SMPD3: variants seen among roughly 807,000 people sequenced by gnomAD.
The protein encoded by SMPD3 is sphingomyelin phosphodiesterase 3.
In SMPD3, 21 loss-of-function variants were observed where a neutral mutation model predicts 55.7. The ratio of observed to expected loss-of-function variants is 0.38; its 90% CI spans 0.27 to 0.54. SMPD3 has a LOEUF of 0.54. Among genes scored for constraint, SMPD3 ranks in the 20% least tolerant of loss-of-function variants. The pLI, the probability that SMPD3 is intolerant of heterozygous loss-of-function variation, is 0.80. For synonymous variants in SMPD3, 457 were observed against 404.3 expected, an observed-to-expected ratio of 1.13 and a Z score of -1.56; for missense variants, 842 against 899.6, an observed-to-expected ratio of 0.94 and a Z score of 0.82.
At chr16:68,386,845 C>T (rs1396408419) in intron 1 of SMPD3, among the ~76,000 whole-genome samples, 186 bp from the exon 2 acceptor site, 4 of 152,144 alleles carry the variant, frequency 2.6e-5, no homozygotes, top group East Asian at 1.9e-4. Context: ...TTCCAGTGGA[C>T]GAAGTGCAGT....
intron 2 of SMPD3, among the ~76,000 whole-genome samples, chr16:68,377,778 A>G (rs374067226): frequency 6.6e-6 from 1 of 152,164 alleles, no homozygotes; most frequent in South Asian, 2.1e-4. Context: ...GTAATGGCAC[A>G]CTGGCTCTGC....
chr16:68,380,569 G>A (rs1332839473), intron 2 of SMPD3, among the ~76,000 whole-genome samples: 1 of 143,210 alleles, frequency 7.0e-6, no homozygotes, highest in African/African-American at 3.0e-5. Flanking sequence ...GCTGACCAGC[G>A]CCACCTGCAT....
rs1225524194 is a variant in SMPD3 at position 68,371,925 on chromosome 16, G to T, written c.257C>A (p.Ser86Tyr). 2 of 1,611,606 alleles carry T rather than the reference G, an allele frequency of 1.2e-6. No homozygotes were observed. Among genetic ancestry groups the T allele is most frequent in the East Asian group, 4.5e-5 (2 of 44,798 alleles). ...GGGCCGGCGGGCCGACTGCAGTGGG[G>T]ACCAGAAGAGAAAGCCGAGAAACGC... ...PFAFLGFLFW[S>Y]PLQSARRPYI... The change falls in exon 3 of 9, where the codon TCC becomes TAC. Residue 86 changes from serine to tyrosine, a missense_variant. Ser to Tyr is a moderately radical substitution (Grantham distance 144). Around this residue, in one of 2 missense-constraint regions of SMPD3, gnomAD observed 193 missense variants for 256.0 expected, o/e 0.75. Coordinates refer to ENST00000219334, the MANE Select transcript of SMPD3 (RefSeq NM_018667.4).
intron 2 of SMPD3, among the ~76,000 whole-genome samples, chr16:68,372,909 T>C (rs1298210929): frequency 6.6e-6 from 1 of 152,100 alleles, no homozygotes; most frequent in Non-Finnish European, 1.5e-5. Context: ...GGCCAGAGAC[T>C]CCTGGAGCAG....
intron 1 of SMPD3, among the ~76,000 whole-genome samples, chr16:68,441,429 T>C (rs986328090): frequency 6.6e-6 from 1 of 152,234 alleles, no homozygotes; most frequent in African/African-American, 2.4e-5. Flanking sequence ...ATGTGAGTTA[T>C]AAATGCAAGC....
Position 68,371,365 on chromosome 16 carries a change from C to G in SMPD3, c.817G>C (p.Gly273Arg). The G allele has an allele frequency of 6.4e-7, 1 of 1,574,754 alleles. No individual in the cohort carries two copies. The highest frequency in any genetic ancestry group is 8.6e-7 in the Non-Finnish European group (1 of 1,169,502). The stretch of plus-strand genomic sequence containing the variant: ...TTGGGCGTCTGGCCCCTTGGGCCCC[C>G]GCCAGCTCCGTTCCTGGCCTGGCCC... ...PGGQARNGAG[G>R]GPRGQTPNHN... Residue 273 changes from glycine (G) to arginine (R), a missense_variant, in exon 3 of 9, where the codon GGG becomes CGG. Around this residue, in one of 2 missense-constraint regions of SMPD3, gnomAD observed 649 missense variants for 643.6 expected, o/e 1.01. Transcript: ENST00000219334.
intron 1 of SMPD3, among the ~76,000 whole-genome samples, chr16:68,406,568 C>T (rs1345114989): frequency 6.6e-6 from 1 of 152,178 alleles, no homozygotes; most frequent in Non-Finnish European, 1.5e-5. Context: ...AGGATTGCTG[C>T]TGAGCCCCAA....
intron 1 of SMPD3, among the ~76,000 whole-genome samples, chr16:68,435,738 G>A (rs575786397): frequency 6.6e-6 from 1 of 152,330 alleles, no homozygotes; most frequent in African/African-American, 2.4e-5. Context: ...TGCCTGACTC[G>A]GACAAAGCTT....
In SMPD3 at chr16:68,371,389, C is replaced by T; in HGVS notation, c.793G>A (p.Gly265Ser). ...PPEADDPVPG[G>S]QARNGAGGGP... ...CCGCCAGCTCCGTTCCTGGCCTGGC[C>T]CCCAGGCACAGGGTCGTCAGCTTCA... Residue 265 changes from glycine (G) to serine (S), a missense_variant, in exon 3 of 9, where the codon GGC becomes AGC. Gly to Ser is a moderately conservative substitution (Grantham distance 56, BLOSUM62 0). Coordinates refer to ENST00000219334, the MANE Select transcript of SMPD3 (RefSeq NM_018667.4). The T allele has an allele frequency of 1.9e-6, 3 of 1,567,206 alleles. No individual in the cohort carries two copies. Among genetic ancestry groups the T allele is most frequent in the Non-Finnish European group, 2.6e-6 (3 of 1,165,832 alleles).
rs2090080831 is a variant in SMPD3, at chr16:68,388,445, T to G, written c.-268-1786A>C. On this transcript the variant is annotated intron_variant, in intron 1 of 8. Coordinates refer to ENST00000219334, the MANE Select transcript of SMPD3 (RefSeq NM_018667.4). ...GACCCAGGCCACAGGCTCACAAGCA[T>G]CTGGCATTAGACATAAAGGAGGCAG... Among the ~76,000 whole-genome samples the G allele has an allele frequency of 2.0e-5, 3 of 152,164 alleles. No individual in the cohort carries two copies. The South Asian group carries it at 6.2e-4, about 32-fold the overall frequency.
chr16:68,430,524 C>T (rs1457733816), intron 1 of SMPD3, among the ~76,000 whole-genome samples: 1 of 152,204 alleles, frequency 6.6e-6, no homozygotes, highest in Non-Finnish European at 1.5e-5. Flanking sequence ...CTGACCCATC[C>T]TTTCCCCTGG....
chr16:68,394,866 AAAT>A (rs1209601698), intron 1 of SMPD3, among the ~76,000 whole-genome samples: 38 of 152,342 alleles, frequency 2.5e-4, no homozygotes, highest in African/African-American at 9.1e-4. Context: ...GAGTGAGGTG[AAAT>A]CTCATTCCAA....
intron 1 of SMPD3, among the ~76,000 whole-genome samples, chr16:68,388,050 G>A (rs1185808939): frequency 1.3e-5 from 2 of 152,298 alleles, no homozygotes; most frequent in African/African-American, 4.8e-5. Flanking sequence ...TCCCTCCTCT[G>A]TAACATTAGG....
At chr16:68,426,013 CTGA>C (rs1489342509) in intron 1 of SMPD3, among the ~76,000 whole-genome samples, 7 of 152,102 alleles carry the variant, frequency 4.6e-5, no homozygotes, top group Admixed American at 3.9e-4. Flanking sequence ...ATCCCTAGTG[CTGA>C]TGATGGGCTA....
At chr16:68,414,504 C>T (rs1296421460) in intron 1 of SMPD3, among the ~76,000 whole-genome samples, 5 of 152,194 alleles carry the variant, frequency 3.3e-5, no homozygotes, top group Non-Finnish European at 7.3e-5. Context: ...TGGAGTCAGT[C>T]CTAATGCTAG....
intron 1 of SMPD3, among the ~76,000 whole-genome samples, chr16:68,388,159 C>T (rs2090077367): frequency 6.6e-6 from 1 of 152,202 alleles, no homozygotes. Flanking sequence ...CAGAGCCCCC[C>T]AGGTCTATGC....
chr16:68,409,246 C>G (rs1402157734), intron 1 of SMPD3, among the ~76,000 whole-genome samples: 2 of 152,214 alleles, frequency 1.3e-5, no homozygotes, highest in Admixed American at 6.5e-5. Context: ...GGAGGGCTCA[C>G]TTTGGCCCCA....
chr16:68,365,538 GCCA>G (rs1343245395), intron 3 of SMPD3, among the ~76,000 whole-genome samples: 1 of 152,098 alleles, frequency 6.6e-6, no homozygotes, highest in Non-Finnish European at 1.5e-5. Flanking sequence ...TTGCCCCTGT[GCCA>G]TGGCGTGGCC....
In SMPD3 at chr16:68,447,322, T is replaced by A. The variant is rs554240654; in HGVS notation, c.-269+1031A>T. ...GTTGGGGGTAGCGTCTACCTGGAGCTCTTGAGTGCTTGAGGGGAGACCCGC... is the reference window on the plus strand; with the variant it reads ...GTTGGGGGTAGCGTCTACCTGGAGCACTTGAGTGCTTGAGGGGAGACCCGC... On this transcript the variant is annotated intron_variant, in intron 1 of 8. Coordinates refer to ENST00000219334, the MANE Select transcript of SMPD3 (RefSeq NM_018667.4). The surrounding 1 kb of genome is among the most constrained non-coding windows in gnomAD (Gnocchi z 5.1). Among the ~76,000 whole-genome samples the A allele has an allele frequency of 6.6e-6, 1 of 152,012 alleles. No homozygotes were observed. The highest frequency in any genetic ancestry group is 6.5e-5 in the Admixed American group (1 of 15,288).
Sources: gnomAD v4.1 joint callset for allele counts (sites outside exome capture counted in the v4.1 genomes callset) on GRCh38, gnomAD v4.1.1 for gene constraint, gnomAD v4.1.1 regional missense constraint, Gnocchi (gnomAD v3.1) non-coding constraint, MANE v1.5 for transcripts, NCBI Gene and HGNC (gene_info 2026-07-23, HGNC 2026-07-21) for gene names.